The following MACROD2 variants were observed in gnomAD, a reference collection of about 807,000 sequenced individuals.
MACROD2 encodes the protein ADP-ribose glycohydrolase MACROD2.
Under a neutral mutation model 70.4 loss-of-function variants are expected in MACROD2, and 36 were observed. That is an observed-to-expected ratio of 0.51 (90% CI 0.39 to 0.68). MACROD2 has a LOEUF of 0.68. Among genes scored for constraint, MACROD2 ranks in the 30% least tolerant of loss-of-function variants. The pLI is 0.00. For missense variants in MACROD2, 496 were observed against 538.4 expected, an observed-to-expected ratio of 0.92 and a Z score of 0.78; for synonymous variants, 172 against 178.8, an observed-to-expected ratio of 0.96 and a Z score of 0.30.
intron 5 of MACROD2, among the ~76,000 whole-genome samples, chr20:14,702,884 C>A (rs1351668108): frequency 1.3e-5 from 2 of 151,182 alleles, no homozygotes; most frequent in East Asian, 1.9e-4. Context: ...CCTGCCACCA[C>A]ACCCTGCTAA....
At chr20:15,857,966 C>G (rs1601005145) in intron 8 of MACROD2, among the ~76,000 whole-genome samples, 1 of 152,064 alleles carries the variant, frequency 6.6e-6, no homozygotes, top group Non-Finnish European at 1.5e-5. Flanking sequence ...TTGTATAGTC[C>G]AAGCCACTCA....
At chr20:15,817,580 C>T (rs1202164510) in intron 8 of MACROD2, among the ~76,000 whole-genome samples, 2 of 152,134 alleles carry the variant, frequency 1.3e-5, no homozygotes, top group Non-Finnish European at 2.9e-5. Context: ...TTCACCATGC[C>T]CGATATCTTA....
chr20:14,770,859 C>T (rs2072155996), intron 5 of MACROD2, among the ~76,000 whole-genome samples: 1 of 152,012 alleles, frequency 6.6e-6, no homozygotes, highest in African/African-American at 2.4e-5. Flanking sequence ...GGCTCCAGTG[C>T]CATACAAATA....
At chr20:14,615,348 G>A (rs1983414470) in intron 4 of MACROD2, among the ~76,000 whole-genome samples, 1 of 152,104 alleles carries the variant, frequency 6.6e-6, no homozygotes, top group Non-Finnish European at 1.5e-5. Flanking sequence ...TTCGAGTGGA[G>A]TGTCACCGCG....
chr20:15,960,998 T>G (rs1280959328), intron 12 of MACROD2, among the ~76,000 whole-genome samples: 2 of 152,120 alleles, frequency 1.3e-5, no homozygotes, highest in African/African-American at 4.8e-5. Flanking sequence ...CTTTGAACCT[T>G]TACTACAACA....
At chr20:14,091,658 C>T (rs532673244) in intron 3 of MACROD2, among the ~76,000 whole-genome samples, 114 of 152,158 alleles carry the variant, frequency 7.5e-4, no homozygotes, top group South Asian at 1.5e-3. Context: ...TAAATAGAAT[C>T]ATACAGCATG....
chr20:15,178,795 C>G (rs1047159776), intron 5 of MACROD2, among the ~76,000 whole-genome samples: 1 of 152,220 alleles, frequency 6.6e-6, no homozygotes, highest in Non-Finnish European at 1.5e-5. Context: ...CCAGAAAGGT[C>G]CCTGGCATTG....
chr20:14,795,462 A>C (rs749448310), intron 5 of MACROD2, among the ~76,000 whole-genome samples: 1 of 152,056 alleles, frequency 6.6e-6, no homozygotes, highest in South Asian at 2.1e-4. Flanking sequence ...AATGCTTCCT[A>C]TGGATTAGAA....
chr20:15,097,012 A>T (rs2123183037), intron 5 of MACROD2, among the ~76,000 whole-genome samples: 1 of 151,834 alleles, frequency 6.6e-6, no homozygotes, highest in East Asian at 1.9e-4. Context: ...GGGTTTCACC[A>T]CATTGGCCAG....
intron 6 of MACROD2, among the ~76,000 whole-genome samples, chr20:15,366,655 A>T (rs560188029): frequency 1.3e-5 from 2 of 151,404 alleles, no homozygotes; most frequent in East Asian, 3.9e-4. Flanking sequence ...GTCTCAATCA[A>T]TCCTCCTGCC....
intron 3 of MACROD2, among the ~76,000 whole-genome samples, chr20:14,090,864 A>T (rs1394821724): frequency 6.6e-6 from 1 of 152,164 alleles, no homozygotes; most frequent in Admixed American, 6.5e-5. Context: ...TACGTTCCCA[A>T]CAGTGTGCGG....
chr20:14,866,465 G>T (rs1354533663), intron 5 of MACROD2, among the ~76,000 whole-genome samples: 1 of 152,098 alleles, frequency 6.6e-6, no homozygotes, highest in African/African-American at 2.4e-5. Context: ...CAATGCTATA[G>T]ATGATGATTT....
chr20:14,489,417 C>A (rs2084769311), intron 3 of MACROD2, among the ~76,000 whole-genome samples: 1 of 152,138 alleles, frequency 6.6e-6, no homozygotes, highest in African/African-American at 2.4e-5. Context: ...GATTTTTTAG[C>A]ACTTCCTACT....
intron 4 of MACROD2, among the ~76,000 whole-genome samples, chr20:14,647,584 A>G (rs1238150218): frequency 6.6e-6 from 1 of 152,080 alleles, no homozygotes; most frequent in Non-Finnish European, 1.5e-5. Context: ...GAAACACTGT[A>G]CTAAGTTCTC....
chr20:15,094,765 A>G (rs2075816487), intron 5 of MACROD2, among the ~76,000 whole-genome samples: 1 of 152,162 alleles, frequency 6.6e-6, no homozygotes, highest in Non-Finnish European at 1.5e-5. Context: ...AAAACAAAAT[A>G]AAAAACACAG....
At chr20:14,462,056 G>A (rs1017880988) in intron 3 of MACROD2, among the ~76,000 whole-genome samples, 2 of 151,974 alleles carry the variant, frequency 1.3e-5, no homozygotes, top group African/African-American at 4.8e-5. Flanking sequence ...TCCAGTAATG[G>A]GATGGCTGGG....
rs749781233 is a variant in MACROD2, at chr20:15,937,562, A to G, written c.907+18A>G. On this transcript the variant is annotated intron_variant, in intron 12 of 17. Coordinates refer to ENST00000684519, the MANE Select transcript of MACROD2 (RefSeq NM_001351661.2). ...AGATGAAGGTATGAGGCTACTAACTATATCTAATAATTGCAGACTCTTAAA... is the reference window on the plus strand; with the variant it reads ...AGATGAAGGTATGAGGCTACTAACTGTATCTAATAATTGCAGACTCTTAAA... The G allele has an allele frequency of 3.1e-6, 5 of 1,606,056 alleles. No homozygotes were observed. The highest frequency in any genetic ancestry group is 4.3e-6 in the Non-Finnish European group (5 of 1,173,028).
chr20:14,372,715 GT>G (rs942606971), intron 3 of MACROD2, among the ~76,000 whole-genome samples: 37 of 151,690 alleles, frequency 2.4e-4, no homozygotes, highest in African/African-American at 7.7e-4. Flanking sequence ...ACACATTCCT[GT>G]TTTTTTTGGA....
chr20:15,909,669 G>A (rs958104729), intron 10 of MACROD2, among the ~76,000 whole-genome samples: 8 of 151,318 alleles, frequency 5.3e-5, no homozygotes, highest in African/African-American at 4.8e-5. Context: ...GACTACAGGC[G>A]CCCGCCACTG....
Sources: allele counts gnomAD v4.1 joint callset (sites outside exome capture counted in the v4.1 genomes callset), GRCh38; gene constraint gnomAD v4.1.1; transcripts MANE v1.5; gene names NCBI Gene and HGNC (gene_info 2026-07-23, HGNC 2026-07-21).